Variants in ARPP21 observed in about 807,000 individuals in gnomAD.
ARPP21 encodes the protein cAMP regulated phosphoprotein 21, also known as cAMP-regulated phosphoprotein 21.
In ARPP21, 69 loss-of-function variants were observed where a neutral mutation model predicts 113.2. The ratio of observed to expected loss-of-function variants is 0.61; its 90% CI spans 0.50 to 0.74. The LOEUF is 0.74. ARPP21 is among the 30% of genes least tolerant of loss of function. The pLI is 0.00. For missense variants in ARPP21, 1,070 were observed against 1,037.4 expected (o/e 1.03, Z -0.43); for synonymous variants, 368 against 375.5 (o/e 0.98, Z 0.23).
intron 19 of ARPP21, among the ~76,000 whole-genome samples, chr3:35,764,313 C>T (rs1195267910): frequency 5.9e-5 from 9 of 152,024 alleles, no homozygotes; most frequent in South Asian, 2.1e-4. Flanking sequence ...TGATAAATAG[C>T]GTTTTTAGAA....
chr3:35,743,091 A>G (rs1304995516), intron 18 of ARPP21, among the ~76,000 whole-genome samples: 1 of 152,204 alleles, frequency 6.6e-6, no homozygotes, highest in Non-Finnish European at 1.5e-5. Flanking sequence ...TTTTTTGAAT[A>G]GTGGTGTGTA....
chr3:35,741,275 GA>G (rs1019842158), intron 18 of ARPP21, among the ~76,000 whole-genome samples: 5 of 152,140 alleles, frequency 3.3e-5, no homozygotes, highest in African/African-American at 1.2e-4. Flanking sequence ...TAAAAAGATA[GA>G]AAGAGAGGGA....
At chr3:35,692,427 A>G (rs796400087) in intron 9 of ARPP21, among the ~76,000 whole-genome samples, 65 of 151,668 alleles carry the variant, frequency 4.3e-4, no homozygotes, top group African/African-American at 1.5e-3. Context: ...TTTAGATATC[A>G]TCATGCAGGG....
At chr3:35,755,063 A>G (rs1234820786) in intron 19 of ARPP21, among the ~76,000 whole-genome samples, 1 of 152,068 alleles carries the variant, frequency 6.6e-6, no homozygotes, top group Admixed American at 6.6e-5. Flanking sequence ...CAAACTAAAT[A>G]AAAAACAAAA....
Position 35,766,967 on chromosome 3 carries a change from T to G in ARPP21, c.2137+23002T>G, listed in dbSNP as rs2096003673. On this transcript the variant is annotated intron_variant, in intron 19 of 20. Coordinates refer to ENST00000684406, the MANE Select transcript of ARPP21 (RefSeq NM_001385562.1). Reference sequence around the variant, plus strand: ...GCTTATTTTATAGCAGCAATTACTATAATGGTGTGAGCATTAAATGCTTGG... The same window carrying G: ...GCTTATTTTATAGCAGCAATTACTAGAATGGTGTGAGCATTAAATGCTTGG... 2.6e-5 allele frequency among the ~76,000 whole-genome samples: 4 copies of G among 152,310 alleles called. No homozygotes were observed. In the South Asian group the frequency reaches 8.3e-4, roughly 32 times the overall value.
At chr3:35,708,109 C>T (rs999867385) in intron 10 of ARPP21, among the ~76,000 whole-genome samples, 4 of 151,850 alleles carry the variant, frequency 2.6e-5, no homozygotes, top group African/African-American at 9.7e-5. Context: ...TCGTTTCCTC[C>T]CACTGCCACC....
At chr3:35,676,871 A>G (rs1410360631) in intron 1 of ARPP21, among the ~76,000 whole-genome samples, 3 of 151,946 alleles carry the variant, frequency 2.0e-5, no homozygotes, top group African/African-American at 7.2e-5. Context: ...AGAATGGGTT[A>G]TATGCTTGGC....
intron 19 of ARPP21, among the ~76,000 whole-genome samples, chr3:35,751,946 T>C (rs1440512867): frequency 2.0e-5 from 3 of 152,062 alleles, no homozygotes; most frequent in Non-Finnish European, 4.4e-5. Context: ...ATCTCAATAA[T>C]TTGGAAATAC....
At chr3:35,680,017 T>A (rs1460131575) in intron 2 of ARPP21, 57 bp downstream of exon 2, 3 of 152,358 alleles carry the variant, frequency 2.0e-5, no homozygotes, top group Non-Finnish European at 4.4e-5. Flanking sequence ...TATTATTATA[T>A]AAATGTGCCT....
At chr3:35,767,430 C>G (rs1260664402) in intron 19 of ARPP21, among the ~76,000 whole-genome samples, 1 of 151,936 alleles carries the variant, frequency 6.6e-6, no homozygotes, top group Non-Finnish European at 1.5e-5. Flanking sequence ...TTTTTGTTGG[C>G]CTGACTGAAA....
In ARPP21 at chr3:35,739,244, G is replaced by A. The variant is rs944228023; in HGVS notation, c.1750-73G>A. 23 of 1,538,976 alleles carry A rather than the reference G, an allele frequency of 1.5e-5. 1 individual carries two copies. The highest frequency in any genetic ancestry group is 1.7e-4 in the Middle Eastern group (1 of 5,744). ...CCACAACTCCAAGAATGTGTCCTGT[G>A]TCTGCCTCAGAGTGCCTCTCTTATT... On this transcript the variant is annotated intron_variant, in intron 17 of 20. Coordinates refer to ENST00000684406, the MANE Select transcript of ARPP21 (RefSeq NM_001385562.1).
rs749018174 is a variant in ARPP21 at position 35,721,571 on chromosome 3, G to A, written c.996-34G>A. On this transcript the variant is annotated intron_variant, in intron 13 of 20. Coordinates refer to ENST00000684406, the MANE Select transcript of ARPP21 (RefSeq NM_001385562.1). Reference sequence around the variant, plus strand: ...AACACCATGCATGTAAGGTAATCCTGTCCCTGTGCATCTTTCTGGTGGTCG... The same window carrying A: ...AACACCATGCATGTAAGGTAATCCTATCCCTGTGCATCTTTCTGGTGGTCG... 72 of 1,237,728 alleles carry A rather than the reference G, an allele frequency of 5.8e-5. 1 individual carries two copies. In the East Asian group the frequency reaches 1.7e-3, roughly 29 times the overall value. The allele number at this position is 1,237,728 out of a possible 1,614,324, so 76.7% of individuals were successfully genotyped here. A position where few individuals can be genotyped will look rare whatever the true frequency, so the allele number is the denominator to read the frequency against.
At position 35,687,859 on chromosome 3, in the gene ARPP21, C is replaced by A. The variant is rs758293612; in HGVS notation, c.382C>A (p.Pro128Thr). Residue 128 changes from proline to threonine, a missense_variant, in exon 6 of 21, where the codon CCC (proline) becomes ACC (threonine). Coordinates refer to ENST00000684406, the MANE Select transcript of ARPP21 (RefSeq NM_001385562.1). The stretch of plus-strand genomic sequence containing the variant: ...AAACAAAGATAAAACCTCTGAAAAA[C>A]CCAAGATCAGAATGTTATCAAAAGG... ...DKNKDKTSEK[P>T]KIRMLSKDCS... The A allele has an allele frequency of 6.3e-7, 1 of 1,587,448 alleles. No homozygotes were observed. The highest frequency in any genetic ancestry group is 8.5e-7 in the Non-Finnish European group (1 of 1,170,988).
intron 18 of ARPP21, among the ~76,000 whole-genome samples, chr3:35,740,225 C>T (rs1429946820): frequency 6.6e-6 from 1 of 152,156 alleles, no homozygotes; most frequent in Non-Finnish European, 1.5e-5. Flanking sequence ...TGTTACTGTT[C>T]ACCACCAAAC....
At chr3:35,783,722 A>T (rs2096572973) in intron 19 of ARPP21, among the ~76,000 whole-genome samples, 1 of 152,150 alleles carries the variant, frequency 6.6e-6, no homozygotes, top group South Asian at 2.1e-4. Flanking sequence ...TCAGCATTAA[A>T]TTCCAGTTTT....
intron 9 of ARPP21, among the ~76,000 whole-genome samples, chr3:35,701,228 G>T (rs1168477378): frequency 2.0e-5 from 3 of 151,424 alleles, no homozygotes; most frequent in Non-Finnish European, 3.0e-5. Flanking sequence ...AAGAACCTAG[G>T]CATATATTTG....
At chr3:35,653,264 A>G (rs1254485885) in intron 1 of ARPP21, among the ~76,000 whole-genome samples, 1 of 119,632 alleles carries the variant, frequency 8.4e-6, no homozygotes, top group East Asian at 2.3e-4. Context: ...TTCTTGTTGA[A>G]GGAAGAATGA....
chr3:35,670,263 AC>A (rs2075996348), intron 1 of ARPP21, among the ~76,000 whole-genome samples: 1 of 152,140 alleles, frequency 6.6e-6, no homozygotes, highest in African/African-American at 2.4e-5. Flanking sequence ...TGTGCAGGGA[AC>A]ACCCAATTAG....
chr3:35,716,207 C>A (rs2092371557), intron 12 of ARPP21, among the ~76,000 whole-genome samples: 1 of 152,018 alleles, frequency 6.6e-6, no homozygotes, highest in Non-Finnish European at 1.5e-5. Context: ...ATTAAGGAAT[C>A]CAAATTAACT....
Sources: gnomAD v4.1 joint callset for allele counts (sites outside exome capture counted in the v4.1 genomes callset) on GRCh38, gnomAD v4.1.1 for gene constraint, MANE v1.5 for transcripts, NCBI Gene and HGNC (gene_info 2026-07-23, HGNC 2026-07-21) for gene names.